GTF2A1L: variants seen among roughly 807,000 people sequenced by gnomAD.
GTF2A1L encodes the protein general transcription factor IIA subunit 1 like.
In GTF2A1L, 48 loss-of-function variants were observed where a neutral mutation model predicts 49.7. That is an observed-to-expected ratio of 0.97 (90% CI 0.77 to 1.23). GTF2A1L has a LOEUF of 1.23. Ranked by LOEUF, GTF2A1L falls within the 50% of genes most tolerant of loss-of-function variation. The pLI is 0.00. For missense variants in GTF2A1L, 736 were observed against 564.8 expected, an observed-to-expected ratio of 1.30 and a Z score of -3.07; for synonymous variants, 246 against 193.5, an observed-to-expected ratio of 1.27 and a Z score of -2.25.
At chr2:48,636,519 T>A (rs1177595927) in intron 3 of GTF2A1L, among the ~76,000 whole-genome samples, 1 of 152,238 alleles carries the variant, frequency 6.6e-6, no homozygotes, top group Non-Finnish European at 1.5e-5. Flanking sequence ...CATGCTAAGA[T>A]GTCTACAGTT....
intron 5 of GTF2A1L, among the ~76,000 whole-genome samples, chr2:48,645,797 G>C (rs1010713809): frequency 6.6e-6 from 1 of 151,996 alleles, no homozygotes; most frequent in South Asian, 2.1e-4. Context: ...TACAGGCGCC[G>C]GCCACCACGC....
chr2:48,668,063 A>G (rs1034857270), intron 6 of GTF2A1L, among the ~76,000 whole-genome samples: 2 of 152,146 alleles, frequency 1.3e-5, no homozygotes, highest in African/African-American at 4.8e-5. Context: ...TCCCCTCTTC[A>G]TAGCCCCTGG....
At chr2:48,620,464 A>C (rs542234400) in intron 1 of GTF2A1L, among the ~76,000 whole-genome samples, 5 of 152,328 alleles carry the variant, frequency 3.3e-5, no homozygotes, top group African/African-American at 9.6e-5. Flanking sequence ...TTAAGGCCAA[A>C]TATGTTCTAA....
chr2:48,636,464 A>G (rs1374579398), intron 3 of GTF2A1L, among the ~76,000 whole-genome samples: 3 of 152,180 alleles, frequency 2.0e-5, no homozygotes, highest in Non-Finnish European at 2.9e-5. Flanking sequence ...GTAGCAATTG[A>G]GAATAAAGTG....
intron 7 of GTF2A1L, 152 bp from the exon 8 acceptor site, chr2:48,671,439 A>G (rs1377338227): frequency 3.2e-6 from 2 of 634,224 alleles, no homozygotes; most frequent in East Asian, 6.0e-5. Flanking sequence ...CCTGGCCTCA[A>G]GCAATCTGCC....
At chr2:48,644,384 T>C (rs997872061) in intron 4 of GTF2A1L, among the ~76,000 whole-genome samples, 1 of 152,228 alleles carries the variant, frequency 6.6e-6, no homozygotes, top group Non-Finnish European at 1.5e-5. Flanking sequence ...CTGCTTTCAA[T>C]TTCAGTTAGT....
intron 6 of GTF2A1L, among the ~76,000 whole-genome samples, chr2:48,657,763 GT>G (rs35946031): frequency 0.85 from 124,097 of 146,690 alleles, 52,918 homozygotes; most frequent in East Asian, 0.99. Context: ...GGAATCTCTT[GT>G]TTTTTTTTTT....
intron 6 of GTF2A1L, among the ~76,000 whole-genome samples, chr2:48,654,380 G>T (rs919009190): frequency 1.3e-5 from 2 of 152,076 alleles, no homozygotes; most frequent in African/African-American, 4.8e-5. Flanking sequence ...TTTTGTATAT[G>T]GTGCAAGGTT....
intron 3 of GTF2A1L, among the ~76,000 whole-genome samples, chr2:48,641,165 T>C (rs1437804319): frequency 6.6e-6 from 1 of 151,848 alleles, no homozygotes; most frequent in East Asian, 1.9e-4. Flanking sequence ...CGGCTATTAC[T>C]TAAGCTGCAG....
chr2:48,675,870 G>T (rs1524153), intron 8 of GTF2A1L, among the ~76,000 whole-genome samples: 35 of 151,582 alleles, frequency 2.3e-4, no homozygotes, highest in Non-Finnish European at 4.6e-4. Flanking sequence ...CTCTTTATAT[G>T]TATCTATATA....
chr2:48,667,188 G>T (rs371250109), intron 6 of GTF2A1L, among the ~76,000 whole-genome samples: 1 of 151,736 alleles, frequency 6.6e-6, no homozygotes, highest in East Asian at 1.9e-4. Flanking sequence ...TGAACTTCTG[G>T]GCTCAAGCAA....
chr2:48,631,089 C>A (rs1676542977), intron 3 of GTF2A1L, among the ~76,000 whole-genome samples: 1 of 151,884 alleles, frequency 6.6e-6, no homozygotes, highest in African/African-American at 2.4e-5. Flanking sequence ...CTTTTTTTAT[C>A]ATGTCTTTTT....
rs765054284 is a variant in GTF2A1L, at chr2:48,646,478, A to G, written c.414A>G (p.Pro138=). The G allele has an allele frequency of 1.2e-5, 20 of 1,611,888 alleles. No individual in the cohort carries two copies. Among genetic ancestry groups the G allele is most frequent in the Non-Finnish European group, 1.6e-5 (19 of 1,179,370 alleles). The part of the protein sequence containing the change: ...VSGHLYKVNV[P]IMVTETSGRA... ...GTCACCTTTATAAAGTCAATGTACC[A>G]ATTATGGTGACAGAGACTTCTGGAA... The change falls in exon 6 of 9, where the codon CCA becomes CCG. Residue 138 remains proline, a synonymous_variant. Coordinates refer to ENST00000403751, the MANE Select transcript of GTF2A1L (RefSeq NM_006872.5).
intron 6 of GTF2A1L, among the ~76,000 whole-genome samples, chr2:48,665,000 C>T (rs1678733901): frequency 6.6e-6 from 1 of 152,086 alleles, no homozygotes; most frequent in African/African-American, 2.4e-5. Context: ...CGGCTCACTG[C>T]AACCAGCACC....
intron 3 of GTF2A1L, among the ~76,000 whole-genome samples, chr2:48,640,289 C>T (rs1263300776): frequency 2.0e-5 from 3 of 152,150 alleles, no homozygotes; most frequent in African/African-American, 7.2e-5. Context: ...AGGGAATCAA[C>T]CTAAATGCTC....
At chr2:48,672,126 C>T (rs763546379) in intron 8 of GTF2A1L, among the ~76,000 whole-genome samples, 1 of 152,152 alleles carries the variant, frequency 6.6e-6, no homozygotes, top group Non-Finnish European at 1.5e-5. Flanking sequence ...TGGAGTTCCC[C>T]ATAAATCCAT....
Position 48,679,495 on chromosome 2 carries a change from A to G in GTF2A1L, c.*53A>G, listed in dbSNP as rs896249471. The stretch of plus-strand genomic sequence containing the variant: ...GTGAACATCAGTTGGATTATATTGC[A>G]TATTGTGAATTCATTTTTATTTTGA... On this transcript the variant is annotated 3_prime_UTR_variant, in exon 9 of 9. Coordinates refer to ENST00000403751, the MANE Select transcript of GTF2A1L (RefSeq NM_006872.5). 10 of 1,596,384 alleles carry G rather than the reference A, an allele frequency of 6.3e-6. No homozygotes were observed. In the African/African-American group the frequency reaches 9.5e-5, roughly 15 times the overall value.
intron 3 of GTF2A1L, among the ~76,000 whole-genome samples, chr2:48,626,737 C>T (rs1676315466): frequency 6.9e-6 from 1 of 143,960 alleles, no homozygotes; most frequent in Non-Finnish European, 1.6e-5. Flanking sequence ...CAACATCTGA[C>T]TAATTTTTGT....
intron 6 of GTF2A1L, among the ~76,000 whole-genome samples, chr2:48,663,377 A>C (rs919575780): frequency 6.6e-6 from 1 of 152,192 alleles, no homozygotes; most frequent in African/African-American, 2.4e-5. Context: ...TCAAGGCTGC[A>C]GTAAACTGAG....
Sources: allele counts gnomAD v4.1 joint callset (sites outside exome capture counted in the v4.1 genomes callset), GRCh38; gene constraint gnomAD v4.1.1; transcripts MANE v1.5; gene names NCBI Gene and HGNC (gene_info 2026-07-23, HGNC 2026-07-21).